Variants in DYRK3 observed in about 807,000 individuals in gnomAD.
DYRK3 encodes dual specificity tyrosine-phosphorylation-regulated kinase 3.
A neutral mutation model predicts 40.8 loss-of-function variants in DYRK3; 30 were observed. That is an observed-to-expected ratio of 0.74 (90% CI 0.55 to 1.00). The LOEUF is 1.00. DYRK3 is among the 50% of genes least tolerant of loss of function. DYRK3 has a pLI of 0.00. For synonymous variants in DYRK3, 272 were observed against 260.7 expected (o/e 1.04, Z -0.42); for missense variants, 699 against 731.5 (o/e 0.96, Z 0.51).
rs1671572960 is a variant in DYRK3, at chr1:206,649,459, G to A, written c.*494G>A. On this transcript the variant is annotated 3_prime_UTR_variant, in exon 3 of 3. Transcript: ENST00000367109. ...TCACAGCAGACTGTGGGGTGGGGGA[G>A]CACCAGGAAGCTGTTGGTGACCTGG... Among the ~76,000 whole-genome samples, 1 of 152,196 alleles carries A rather than the reference G, an allele frequency of 6.6e-6. No individual in the cohort carries two copies. The highest frequency in any genetic ancestry group is 1.5e-5 in the Non-Finnish European group (1 of 68,038).
chr1:206,642,255 C>T (rs531864801), intron 2 of DYRK3, among the ~76,000 whole-genome samples: 3 of 150,516 alleles, frequency 2.0e-5, no homozygotes, highest in South Asian at 4.2e-4. Context: ...GTTAGAATGG[C>T]GATCATTAAA....
intron 2 of DYRK3, among the ~76,000 whole-genome samples, chr1:206,641,181 C>T (rs1323236510): frequency 1.3e-5 from 2 of 151,798 alleles, no homozygotes; most frequent in African/African-American, 2.4e-5. Flanking sequence ...ACCCATTACC[C>T]GAGCAGTGTA....
Position 206,649,415 on chromosome 1 carries a change from T to C in DYRK3, c.*450T>C, listed in dbSNP as rs1671570892. On this transcript the variant is annotated 3_prime_UTR_variant, in exon 3 of 3. Transcript: ENST00000367109. ...TGCCCCACTAGGCCATTCTCTAGGC[T>C]CATTCTAGGTGAAAGAGCTCACAGC... Among the ~76,000 whole-genome samples, 1 of 152,300 alleles carries C rather than the reference T, an allele frequency of 6.6e-6. No individual in the cohort carries two copies. Among genetic ancestry groups the C allele is most frequent in the Admixed American group, 6.5e-5 (1 of 15,302 alleles).
chr1:206,636,154 T>G (rs1671101041), intron 1 of DYRK3: 1 of 1,018,338 alleles, frequency 9.8e-7, no homozygotes, highest in South Asian at 1.2e-5. Context: ...CCCTGTTGCT[T>G]AGAGCGGATA....
intron 2 of DYRK3, among the ~76,000 whole-genome samples, chr1:206,644,548 C>A (rs150428117): frequency 0.018 from 2,678 of 152,238 alleles, 45 homozygotes; most frequent in Admixed American, 0.051. Context: ...AAATTCTTTT[C>A]CTAGTTCCAC....
At position 206,654,766 on chromosome 1, in the gene DYRK3, C is replaced by T. The variant is rs1553421669; in HGVS notation, c.*5801C>T. 6.6e-6 allele frequency among the ~76,000 whole-genome samples: 1 copy of T among 152,200 alleles called. No individual in the cohort carries two copies. Among genetic ancestry groups the T allele is most frequent in the African/African-American group, 2.4e-5 (1 of 41,444 alleles). On this transcript the variant is annotated 3_prime_UTR_variant, in exon 3 of 3. Coordinates refer to ENST00000367109, the MANE Select transcript of DYRK3 (RefSeq NM_003582.4). ...CAACCCCTGAGAGAAGCCAGAACTA[C>T]AAATGCATCGTCTAGACTTTGAAGA... is the stretch of plus-strand genomic sequence containing the variant.
intron 1 of DYRK3, among the ~76,000 whole-genome samples, chr1:206,636,500 C>T (rs1671115605): frequency 6.6e-6 from 1 of 152,170 alleles, no homozygotes; most frequent in Admixed American, 6.5e-5. Context: ...TTGGTGAAGC[C>T]ATTCCCTGTT....
intron 2 of DYRK3, among the ~76,000 whole-genome samples, chr1:206,646,832 G>C (rs185879537): frequency 1.2e-4 from 19 of 152,308 alleles, no homozygotes; most frequent in African/African-American, 4.6e-4. Flanking sequence ...TTACACTTCA[G>C]TATGCATTAT....
rs1671664429 is a variant in DYRK3 at position 206,652,775 on chromosome 1, G to T, written c.*3810G>T. Reference sequence around the variant, plus strand: ...TGGCCACTGTTAAAAGTTTCACTTGGATCCCTGCCCAGCCATAGCAATGAG... The same window carrying T: ...TGGCCACTGTTAAAAGTTTCACTTGTATCCCTGCCCAGCCATAGCAATGAG... On this transcript the variant is annotated 3_prime_UTR_variant, in exon 3 of 3. Coordinates refer to ENST00000367109, the MANE Select transcript of DYRK3 (RefSeq NM_003582.4). Among the ~76,000 whole-genome samples the T allele has an allele frequency of 6.6e-6, 1 of 152,182 alleles. No homozygotes were observed. Among genetic ancestry groups the T allele is most frequent in the South Asian group, 2.1e-4 (1 of 4,828 alleles).
intron 2 of DYRK3, among the ~76,000 whole-genome samples, chr1:206,638,019 T>C (rs973384468): frequency 2.6e-5 from 4 of 152,168 alleles, no homozygotes; most frequent in Non-Finnish European, 5.9e-5. Flanking sequence ...ATATGCTACT[T>C]TTATTTAGGT....
Position 206,639,878 on chromosome 1 carries a change from G to C in DYRK3, c.189+2117G>C, listed in dbSNP as rs990187242. Among the ~76,000 whole-genome samples, 6 of 146,606 alleles carry C rather than the reference G, an allele frequency of 4.1e-5. No homozygotes were observed. The Middle Eastern group carries it at 0.014, about 354-fold the overall frequency. On this transcript the variant is annotated intron_variant, in intron 2 of 2. Coordinates refer to ENST00000367109, the MANE Select transcript of DYRK3 (RefSeq NM_003582.4). Reference sequence around the variant, plus strand: ...TTACTGCATGGTGTTAGGCATGACAGTTTTGTGAGGGAGCAAGAAGATTTT... The same window carrying C: ...TTACTGCATGGTGTTAGGCATGACACTTTTGTGAGGGAGCAAGAAGATTTT...
Position 206,637,684 on chromosome 1 carries a change from A to G in DYRK3, c.112A>G (p.Ile38Val), listed in dbSNP as rs782136926. Reference sequence around the variant, plus strand: ...TGGTGTCTATGACACCTTCATGATGATAGATGAAACCAAATGTCCCCCCTG... The same window carrying G: ...TGGTGTCTATGACACCTTCATGATGGTAGATGAAACCAAATGTCCCCCCTG... ...GDGVYDTFMM[I>V]DETKCPPCSN... Residue 38 changes from isoleucine (I) to valine (V), a missense_variant, in exon 2 of 3, where the codon ATA becomes GTA. Transcript: ENST00000367109. The G allele has an allele frequency of 1.2e-5, 19 of 1,613,930 alleles. No individual in the cohort carries two copies. The African/African-American group carries it at 1.5e-4, about 12-fold the overall frequency.
chr1:206,648,735 C>G lies in DYRK3; in HGVS notation c.1537C>G (p.Pro513Ala), dbSNP rs376496214. 2 of 1,613,862 alleles carry G rather than the reference C, an allele frequency of 1.2e-6. No homozygotes were observed. The highest frequency in any genetic ancestry group is 2.7e-5 in the African/African-American group (2 of 74,882). ...LHWDPSARLT[P>A]AQALRHPWIS... ...CTGGGACCCCTCTGCCCGCTTGACCCCAGCTCAAGCATTAAGACACCCTTG... is the reference window on the plus strand; with the variant it reads ...CTGGGACCCCTCTGCCCGCTTGACCGCAGCTCAAGCATTAAGACACCCTTG... Residue 513 changes from proline to alanine, a missense_variant, in exon 3 of 3, where the codon CCA becomes GCA. Physicochemically the swap from Pro to Ala is conservative, Grantham distance 27 (BLOSUM62 -1). Coordinates refer to ENST00000367109, the MANE Select transcript of DYRK3 (RefSeq NM_003582.4).
chr1:206,641,313 A>G (rs1193783190), intron 2 of DYRK3, among the ~76,000 whole-genome samples: 1 of 152,102 alleles, frequency 6.6e-6, no homozygotes, highest in African/African-American at 2.4e-5. Flanking sequence ...GCTCCCACTT[A>G]TGAATGAGAA....
Position 206,647,666 on chromosome 1 carries a change from C to G in DYRK3, c.468C>G (p.Ala156=), listed in dbSNP as rs1553420363. Residue 156 remains alanine, a synonymous_variant, in exon 3 of 3, where the codon GCC becomes GCG. Coordinates refer to ENST00000367109, the MANE Select transcript of DYRK3 (RefSeq NM_003582.4). The stretch of plus-strand genomic sequence containing the variant: ...AGCAATATAAACACCACCTCACTGC[C>G]TATGAGAAACTGGAAATAATTAATT... ...ALKQYKHHLT[A]YEKLEIINYP... is the part of the protein sequence containing the mutation. 1 of 1,614,122 alleles carries G rather than the reference C, an allele frequency of 6.2e-7. No homozygotes were observed. Among genetic ancestry groups the G allele is most frequent in the Admixed American group, 1.7e-5 (1 of 60,006 alleles).
chr1:206,637,802 G>C, intron 2 of DYRK3, 41 bp downstream of exon 2: 1 of 1,515,792 alleles, frequency 6.6e-7, no homozygotes, highest in African/African-American at 1.4e-5. Flanking sequence ...AATTGTTTTG[G>C]AAAGGAGGAA....
rs1671076401 is a variant in DYRK3, at chr1:206,635,663, C to G, written c.-41C>G. 1 of 1,245,110 alleles carries G rather than the reference C, an allele frequency of 8.0e-7. No individual in the cohort carries two copies. The highest frequency in any genetic ancestry group is 1.0e-6 in the Non-Finnish European group (1 of 989,480). 77.1% of individuals were successfully genotyped at this position (1,245,110 alleles called of 1,614,324 possible). A position where few individuals can be genotyped will look rare whatever the true frequency, so the allele number is the denominator to read the frequency against. On this transcript the variant is annotated 5_prime_UTR_variant, in exon 1 of 3. Coordinates refer to ENST00000367109, the MANE Select transcript of DYRK3 (RefSeq NM_003582.4). ...GTAGGTGGCGTGGCCGACCGGACCC[C>G]CAACTGGCGCCTCTCCCCGCGCGGG...
intron 1 of DYRK3, chr1:206,636,735 G>A: frequency 2.2e-6 from 1 of 463,728 alleles, no homozygotes; most frequent in Non-Finnish European, 3.9e-6. Context: ...TATATTCATA[G>A]TGTATCATGT....
rs1168277751 is a variant in DYRK3, at chr1:206,649,231, ATGTAT to A, written c.*268_*272del. On this transcript the variant is annotated 3_prime_UTR_variant, in exon 3 of 3. Transcript: ENST00000367109. The stretch of plus-strand genomic sequence containing the variant: ...ATTATCGTCAGATGTATTTCAACTG[ATGTAT>A]TATACTATTGGTTTAAATCTCTTTC... The A allele has an allele frequency of 1.5e-5, 6 of 400,570 alleles. No homozygotes were observed. The highest frequency in any genetic ancestry group is 4.6e-5 in the East Asian group (1 of 21,546). 24.8% of individuals were successfully genotyped at this position (400,570 alleles called of 1,614,324 possible).
Sources: allele counts gnomAD v4.1 joint callset (sites outside exome capture counted in the v4.1 genomes callset), GRCh38; gene constraint gnomAD v4.1.1; transcripts MANE v1.5; gene names NCBI Gene and HGNC (gene_info 2026-07-23, HGNC 2026-07-21).